The following CDHR1 variants were observed in gnomAD, a reference collection of about 807,000 sequenced individuals.
CDHR1 encodes cadherin-related family member 1.
CDHR1 carries 61 observed loss-of-function variants against 72.1 expected under a neutral mutation model. The ratio of observed to expected loss-of-function variants is 0.85; its 90% CI spans 0.69 to 1.05. The LOEUF is 1.05. CDHR1 is among the 50% of genes least tolerant of loss of function. The pLI is 0.00. For synonymous variants in CDHR1, 470 were observed against 448.1 expected, an observed-to-expected ratio of 1.05 and a Z score of -0.62; for missense variants, 1,186 against 1,115.7, an observed-to-expected ratio of 1.06 and a Z score of -0.90.
At chr10:84,202,788 G>C (rs1019546817) in intron 7 of CDHR1, among the ~76,000 whole-genome samples, 192 bp from the exon 8 acceptor site, 1 of 152,202 alleles carries the variant, frequency 6.6e-6, no homozygotes, top group Admixed American at 6.5e-5. Flanking sequence ...GCAAAGGAAT[G>C]GTGGCACTTT....
At chr10:84,212,840 T>C in intron 15 of CDHR1, 1 of 593,234 alleles carries the variant, frequency 1.7e-6, no homozygotes, top group Middle Eastern at 4.5e-4. Flanking sequence ...GCATCTGTAA[T>C]ATGGATTCAC....
chr10:84,210,487 G>A (rs575854204), intron 12 of CDHR1, among the ~76,000 whole-genome samples: 7 of 151,990 alleles, frequency 4.6e-5, no homozygotes, highest in Non-Finnish European at 1.0e-4. Flanking sequence ...GGCTGGTCTC[G>A]AACTCCCGAC....
intron 5 of CDHR1, among the ~76,000 whole-genome samples, chr10:84,199,588 G>A (rs930658008): frequency 6.6e-6 from 1 of 152,200 alleles, no homozygotes; most frequent in African/African-American, 2.4e-5. Context: ...GCTTCCATAA[G>A]TGAACAGTCT....
At chr10:84,202,364 T>C (rs182495334) in intron 7 of CDHR1, among the ~76,000 whole-genome samples, 1 of 152,140 alleles carries the variant, frequency 6.6e-6, no homozygotes, top group Non-Finnish European at 1.5e-5. Flanking sequence ...GTGTGTGGTG[T>C]GGGAAACATT....
Position 84,213,194 on chromosome 10 carries a change from T to C in CDHR1, c.1886T>C (p.Ile629Thr). 1 of 1,614,160 alleles carries C rather than the reference T, an allele frequency of 6.2e-7. No individual in the cohort carries two copies. Among genetic ancestry groups the C allele is most frequent in the South Asian group, 1.1e-5 (1 of 91,086 alleles). The change falls in exon 16 of 17, where the codon ATC becomes ACC. Residue 629 changes from isoleucine (I) to threonine (T), a missense_variant. Ile to Thr is a moderately conservative substitution (Grantham distance 89). Transcript: ENST00000623527. Reference sequence around the variant, plus strand: ...GACATCAATTCCCACACGGGGGAGATCTGGCTCAAGAATTCCATCCGCTCC... The same window carrying C: ...GACATCAATTCCCACACGGGGGAGACCTGGCTCAAGAATTCCATCCGCTCC... ...VFDINSHTGEIWLKNSIRSLD... is the reference protein window; with the variant it reads ...VFDINSHTGETWLKNSIRSLD...
chr10:84,208,365 T>A lies in CDHR1; in HGVS notation c.1155T>A (p.Asn385Lys), dbSNP rs1199761902. The change falls in exon 11 of 17, where the codon AAT (asparagine) becomes AAA (lysine). Residue 385 changes from asparagine (N) to lysine (K), a missense_variant. Asn to Lys is a moderately conservative substitution (Grantham distance 94). Transcript: ENST00000623527. ...TGCGGGGCCTCAAGATCACCGTCAA[T>A]GACTCCGACCAGGTGTGTGGTCCTG... ...EILRGLKITV[N>K]DSDQGANAKF... is the part of the protein sequence containing the mutation. 1.2e-6 allele frequency: 2 copies of A among 1,614,124 alleles called. No individual in the cohort carries two copies. Among genetic ancestry groups the A allele is most frequent in the Non-Finnish European group, 1.7e-6 (2 of 1,180,004 alleles).
In CDHR1 at chr10:84,194,747, G is replaced by A; in HGVS notation, c.-14G>A. On this transcript the variant is annotated 5_prime_UTR_variant, in exon 1 of 17. Coordinates refer to ENST00000623527, the MANE Select transcript of CDHR1 (RefSeq NM_033100.4). ...TCTCGGCGGCGGCAGGCGACACTCC[G>A]CGCCGGCGGAGACATGAGGCGCTGC... The A allele has an allele frequency of 6.7e-7, 1 of 1,495,776 alleles. No homozygotes were observed. The highest frequency in any genetic ancestry group is 8.8e-7 in the Non-Finnish European group (1 of 1,131,618). The allele number at this position is 1,495,776 out of a possible 1,614,324, so 92.7% of individuals were successfully genotyped here. A position where few individuals can be genotyped will look rare whatever the true frequency, so the allele number is the denominator to read the frequency against.
At position 84,200,629 on chromosome 10, in the gene CDHR1, A is replaced by C. The variant is rs1171181210; in HGVS notation, c.467A>C (p.Lys156Thr). The C allele has an allele frequency of 1.2e-6, 2 of 1,612,188 alleles. No individual in the cohort carries two copies. Residue 156 changes from lysine (K) to threonine (T), a missense_variant, in exon 6 of 17, where the codon AAG becomes ACG. Coordinates refer to ENST00000623527, the MANE Select transcript of CDHR1 (RefSeq NM_033100.4). ...EDIPAGSIIF[K>T]VHAVDRDTGS... ...ATACCTGCTGGGAGCATCATCTTTA[A>C]GGTCCATGCAGTGGACAGGGACACA...
rs147684031 is a variant in CDHR1, at chr10:84,215,347, G to A, written c.*726G>A. 23 of 985,770 alleles carry A rather than the reference G, an allele frequency of 2.3e-5. No homozygotes were observed. Among genetic ancestry groups the A allele is most frequent in the African/African-American group, 7.0e-5 (4 of 57,344 alleles). 61.1% of individuals were successfully genotyped at this position (985,770 alleles called of 1,614,324 possible). On this transcript the variant is annotated 3_prime_UTR_variant, in exon 17 of 17. Transcript: ENST00000623527. ...TCTCCAGCCAGGACTGCCCTGAGCCGCAAAATGTCAAAGCTGGAGCTATAG... is the reference window on the plus strand; with the variant it reads ...TCTCCAGCCAGGACTGCCCTGAGCCACAAAATGTCAAAGCTGGAGCTATAG...
At chr10:84,195,459 C>A in intron 1 of CDHR1, 35 bp from the exon 2 acceptor site, 1 of 1,584,812 alleles carries the variant, frequency 6.3e-7, no homozygotes. Flanking sequence ...GTGTCCTTTG[C>A]CTGGGTGTCC....
intron 10 of CDHR1, among the ~76,000 whole-genome samples, chr10:84,207,329 G>C (rs1171023667): frequency 6.6e-6 from 1 of 152,110 alleles, no homozygotes; most frequent in African/African-American, 2.4e-5. Context: ...GTAGAGAGCA[G>C]AGTCACATTG....
chr10:84,210,375 C>T (rs914675569), intron 12 of CDHR1, among the ~76,000 whole-genome samples: 6 of 152,050 alleles, frequency 3.9e-5, no homozygotes, highest in African/African-American at 1.2e-4. Context: ...AAGTGATTCT[C>T]GTGCCTCAGC....
intron 14 of CDHR1, 35 bp from the exon 15 acceptor site, chr10:84,212,144 C>T (rs112390023): frequency 2.6e-5 from 39 of 1,507,002 alleles, no homozygotes; most frequent in African/African-American, 1.2e-4. Flanking sequence ...TGTGTATATG[C>T]GTGCACACCC....
At chr10:84,205,468 A>C (rs1842206659) in intron 9 of CDHR1, among the ~76,000 whole-genome samples, 13 of 139,424 alleles carry the variant, frequency 9.3e-5, no homozygotes, top group South Asian at 4.7e-4. Flanking sequence ...CTCCCCTTCC[A>C]TGTCCGTCTC....
rs369628724 is a variant in CDHR1 at position 84,213,186 on chromosome 10, G to C, written c.1878G>C (p.Thr626=). The part of the protein sequence containing the change: ...PANVFDINSH[T]GEIWLKNSIR... The stretch of plus-strand genomic sequence containing the variant: ...ACGTGTTCGACATCAATTCCCACAC[G>C]GGGGAGATCTGGCTCAAGAATTCCA... The change falls in exon 16 of 17, where the codon ACG becomes ACC. Residue 626 remains threonine, a synonymous_variant. Transcript: ENST00000623527. 1.2e-6 allele frequency: 2 copies of C among 1,614,078 alleles called. No individual in the cohort carries two copies. The highest frequency in any genetic ancestry group is 1.7e-6 in the Non-Finnish European group (2 of 1,180,054).
intron 1 of CDHR1, among the ~76,000 whole-genome samples, 174 bp downstream of exon 1, chr10:84,194,989 G>T (rs190655209): frequency 1.3e-5 from 2 of 152,218 alleles, no homozygotes; most frequent in Non-Finnish European, 2.9e-5. Flanking sequence ...AGTGGGGAGT[G>T]GGGTAGCGGA....
Position 84,217,565 on chromosome 10 carries a change from A to T in CDHR1, c.*2944A>T, listed in dbSNP as rs1310912972. On this transcript the variant is annotated 3_prime_UTR_variant, in exon 17 of 17. Transcript: ENST00000623527. ...GGTGCAAAGTATGGTTGCAGAGAGGATGAAAAGATCTAATATATGTAAAGT... is the reference window on the plus strand; with the variant it reads ...GGTGCAAAGTATGGTTGCAGAGAGGTTGAAAAGATCTAATATATGTAAAGT... 5.1e-6 allele frequency: 5 copies of T among 984,194 alleles called. No homozygotes were observed. Among genetic ancestry groups the T allele is most frequent in the Non-Finnish European group, 4.8e-6 (4 of 828,938 alleles). 61.0% of individuals were successfully genotyped at this position (984,194 alleles called of 1,614,324 possible). A position where few individuals can be genotyped will look rare whatever the true frequency, so the allele number is the denominator to read the frequency against.
At chr10:84,200,915 G>A (rs1432607044) in intron 6 of CDHR1, among the ~76,000 whole-genome samples, 2 of 152,094 alleles carry the variant, frequency 1.3e-5, no homozygotes, top group South Asian at 2.1e-4. Context: ...CTCTTCCAAC[G>A]TCCCCAGGAC....
intron 12 of CDHR1, 76 bp downstream of exon 12, chr10:84,208,957 G>C: frequency 6.8e-7 from 1 of 1,473,374 alleles, no homozygotes; most frequent in Non-Finnish European, 9.4e-7. Context: ...GTTCATTCCT[G>C]AGGGGTCTCT....
Sources: allele counts gnomAD v4.1 joint callset (sites outside exome capture counted in the v4.1 genomes callset), GRCh38; gene constraint gnomAD v4.1.1; transcripts MANE v1.5; gene names NCBI Gene and HGNC (gene_info 2026-07-23, HGNC 2026-07-21).